The following KLF13 variants were observed in gnomAD, a reference collection of about 807,000 sequenced individuals.
The protein encoded by KLF13 is KLF transcription factor 13.
In KLF13, 8 loss-of-function variants were observed where a neutral mutation model predicts 16.7. The ratio of observed to expected loss-of-function variants is 0.48; its 90% CI spans 0.28 to 0.87. KLF13 has a LOEUF of 0.87. KLF13 is among the 40% of genes least tolerant of loss of function. The pLI is 0.10. For missense variants in KLF13, 447 were observed against 452.2 expected (o/e 0.99, Z 0.10); for synonymous variants, 245 against 208.4 (o/e 1.18, Z -1.51).
At chr15:31,419,954 G>GTA (rs1198803746) in intron 1 of KLF13, among the ~76,000 whole-genome samples, 2 of 152,136 alleles carry the variant, frequency 1.3e-5, no homozygotes, top group Non-Finnish European at 2.9e-5. Flanking sequence ...AAAGCCACTT[G>GTA]TATGTACAAG....
downstream of KLF13, among the ~76,000 whole-genome samples, chr15:31,406,402 G>C (rs144235762): frequency 6.6e-6 from 1 of 152,144 alleles, no homozygotes; most frequent in Non-Finnish European, 1.5e-5. Context: ...GCTTGAACCC[G>C]GGAGGCAGAA....
At chr15:31,341,654 A>T (rs934398031) in intron 1 of KLF13, among the ~76,000 whole-genome samples, 8 of 151,532 alleles carry the variant, frequency 5.3e-5, no homozygotes, top group Non-Finnish European at 1.5e-5. Context: ...TTCACAGCTC[A>T]GCCTGCCAAA....
chr15:31,424,732 C>A (rs2040381059), intron 1 of KLF13, among the ~76,000 whole-genome samples: 1 of 152,120 alleles, frequency 6.6e-6, no homozygotes, highest in Non-Finnish European at 1.5e-5. Context: ...GATGCCCATT[C>A]TTGCCACTTC....
chr15:31,347,671 G>T (rs1221200367), intron 1 of KLF13, among the ~76,000 whole-genome samples: 3 of 152,222 alleles, frequency 2.0e-5, no homozygotes, highest in South Asian at 4.1e-4. Flanking sequence ...GCAAGAAATG[G>T]CTAAAGGAAA....
intron 1 of KLF13, among the ~76,000 whole-genome samples, chr15:31,334,000 A>G (rs1489421023): frequency 6.6e-6 from 1 of 152,032 alleles, no homozygotes; most frequent in African/African-American, 2.4e-5. Context: ...GCAGGATCAC[A>G]TGGTTAAGGT....
chr15:31,411,400 C>CTTT (rs140755995), intron 1 of KLF13, among the ~76,000 whole-genome samples: 53 of 138,140 alleles, frequency 3.8e-4, no homozygotes, highest in African/African-American at 1.4e-3. Context: ...TTTTTTTTTT[C>CTTT]TTTTTTTTTT....
At position 31,372,258 on chromosome 15, in the gene KLF13, G is replaced by A. The variant is rs2039566801; in HGVS notation, c.826G>A (p.Asp276Asn). 1.3e-6 allele frequency: 2 copies of A among 1,534,848 alleles called. No individual in the cohort carries two copies. The highest frequency in any genetic ancestry group is 1.7e-6 in the Non-Finnish European group (2 of 1,146,388). Reference sequence around the variant, plus strand: ...CTCCCTCAGCGACTACAGCCGCTCCGACGCCAGCAGCCCCACCATCAGCCC... The same window carrying A: ...CTCCCTCAGCGACTACAGCCGCTCCAACGCCAGCAGCCCCACCATCAGCCC... ...TGSLSDYSRSDASSPTISPAS... is the reference protein window; with the variant it reads ...TGSLSDYSRSNASSPTISPAS... Residue 276 changes from aspartate to asparagine, a missense_variant, in exon 2 of 2, where the codon GAC becomes AAC. Transcript: ENST00000307145.
chr15:31,328,746 C>T (rs1294779099), intron 1 of KLF13, among the ~76,000 whole-genome samples: 1 of 152,208 alleles, frequency 6.6e-6, no homozygotes, highest in Non-Finnish European at 1.5e-5. Context: ...TCCCTCCCCC[C>T]TTTTTGTTTC....
intron 1 of KLF13, among the ~76,000 whole-genome samples, chr15:31,423,632 C>CA (rs1264069941): frequency 6.6e-6 from 1 of 151,034 alleles, no homozygotes; most frequent in Non-Finnish European, 1.5e-5. Flanking sequence ...GATTCCATCT[C>CA]AAAAAAAAGG....
chr15:31,398,367 G>A (rs750949563), intron 2 of KLF13, among the ~76,000 whole-genome samples: 2 of 152,230 alleles, frequency 1.3e-5, no homozygotes, highest in Non-Finnish European at 2.9e-5. Context: ...GGGGGTGGCA[G>A]CAGAAGCTGC....
At chr15:31,425,878 A>T (rs1266595955) in intron 1 of KLF13, among the ~76,000 whole-genome samples, 1 of 152,192 alleles carries the variant, frequency 6.6e-6, no homozygotes, top group Non-Finnish European at 1.5e-5. Flanking sequence ...ACTCCGTCTC[A>T]AAAAGAAAAA....
intron 1 of KLF13, among the ~76,000 whole-genome samples, chr15:31,434,970 C>A (rs910850050): frequency 8.1e-4 from 124 of 152,350 alleles, no homozygotes; most frequent in African/African-American, 2.9e-3. Flanking sequence ...GGGCTGAAAT[C>A]ATGTTCAAAA....
intron 1 of KLF13, among the ~76,000 whole-genome samples, chr15:31,371,143 A>G (rs1259708911): frequency 6.6e-6 from 1 of 152,128 alleles, no homozygotes; most frequent in Non-Finnish European, 1.5e-5. Flanking sequence ...CTTCCTGAGC[A>G]GTTGATGTCA....
At chr15:31,405,048 T>G (rs7174859), downstream of KLF13, among the ~76,000 whole-genome samples, 2 of 152,230 alleles carry the variant, frequency 1.3e-5, no homozygotes, top group African/African-American at 4.8e-5. Flanking sequence ...CATGTGCCCC[T>G]GAAACTCATA....
intron 1 of KLF13, among the ~76,000 whole-genome samples, chr15:31,353,535 A>C (rs1354583387): frequency 6.6e-6 from 1 of 152,150 alleles, no homozygotes; most frequent in Non-Finnish European, 1.5e-5. Flanking sequence ...AATTCCCTTT[A>C]TTGCTATAAA....
Position 31,376,592 on chromosome 15 carries a change from G to A in KLF13, c.*4293G>A, listed in dbSNP as rs545149848. On this transcript the variant is annotated 3_prime_UTR_variant, in exon 2 of 2. Coordinates refer to ENST00000307145, the MANE Select transcript of KLF13 (RefSeq NM_015995.4). Reference sequence around the variant, plus strand: ...CTATTACTAATTTTCCTGATTCTGAGGCTCTGAAGGCTTGTCTGAGACACA... The same window carrying A: ...CTATTACTAATTTTCCTGATTCTGAAGCTCTGAAGGCTTGTCTGAGACACA... 2.0e-5 allele frequency: 3 copies of A among 152,778 alleles called. No homozygotes were observed. The East Asian group carries it at 5.8e-4, about 30-fold the overall frequency. The allele number at this position is 152,778 out of a possible 1,614,324, so 9.5% of individuals were successfully genotyped here.
chr15:31,432,567 G>T (rs2040486959), intron 1 of KLF13, among the ~76,000 whole-genome samples: 1 of 151,536 alleles, frequency 6.6e-6, no homozygotes, highest in East Asian at 1.9e-4. Flanking sequence ...CCCTGCCTCA[G>T]CTTCCTGAGT....
chr15:31,421,051 T>C (rs1191563537), intron 1 of KLF13, among the ~76,000 whole-genome samples: 2 of 152,220 alleles, frequency 1.3e-5, no homozygotes, highest in Non-Finnish European at 2.9e-5. Flanking sequence ...GTCCTGTCTG[T>C]GATTTCTGTA....
chr15:31,404,966 G>A (rs1034355020), downstream of KLF13, among the ~76,000 whole-genome samples: 102 of 152,312 alleles, frequency 6.7e-4, no homozygotes, highest in African/African-American at 2.5e-3. Flanking sequence ...GCTCCACCCT[G>A]CCTCAAAGAG....
Sources: gnomAD v4.1 joint callset for allele counts (sites outside exome capture counted in the v4.1 genomes callset) on GRCh38, gnomAD v4.1.1 for gene constraint, MANE v1.5 for transcripts, NCBI Gene and HGNC (gene_info 2026-07-23, HGNC 2026-07-21) for gene names.